The following KCNK1 variants were observed in gnomAD, a reference collection of about 807,000 sequenced individuals.
The protein encoded by KCNK1 is potassium two pore domain channel subfamily K member 1, also known as potassium channel subfamily K member 1.
KCNK1 carries 10 observed loss-of-function variants against 22.2 expected under a neutral mutation model. The ratio of observed to expected loss-of-function variants is 0.45; its 90% confidence interval spans 0.28 to 0.76. The LOEUF (loss-of-function observed/expected upper bound fraction) is 0.76. Ranked by LOEUF, KCNK1 falls within the 30% of genes least tolerant of loss-of-function variation. The pLI, the probability that KCNK1 is intolerant of heterozygous loss-of-function variation, is 0.14. For missense variants in KCNK1, 378 were observed against 421.0 expected (o/e 0.90, Z 0.89); for synonymous variants, 200 against 186.4 (o/e 1.07, Z -0.60).
In KCNK1 at chr1:233,614,144, G is replaced by GCTGGCCTTGGCT; in HGVS notation, c.-28_-27insCTGGCCTTGGCT. On this transcript the variant is annotated 5_prime_UTR_variant, in exon 1 of 3. Coordinates refer to ENST00000366621, the MANE Select transcript of KCNK1 (RefSeq NM_002245.4). ...GGCCGCGCTCCGGCCGGTCTGCGGC[G>GCTGGCCTTGGCT]TTGGCCTTGGCGGCGGCGGTGGAGA... 1.6e-6 allele frequency: 2 copies of GCTGGCCTTGGCT among 1,253,608 alleles called. No individual in the cohort carries two copies. Among genetic ancestry groups the GCTGGCCTTGGCT allele is most frequent in the Non-Finnish European group, 2.0e-6 (2 of 979,760 alleles). 77.7% of individuals were successfully genotyped at this position (1,253,608 alleles called of 1,614,324 possible). A position where few individuals can be genotyped will look rare whatever the true frequency, so the allele number is the denominator to read the frequency against.
At chr1:233,625,840 C>T (rs1657679632) in intron 1 of KCNK1, among the ~76,000 whole-genome samples, 2 of 151,952 alleles carry the variant, frequency 1.3e-5, no homozygotes, top group South Asian at 2.1e-4. Flanking sequence ...AACAAAGGCA[C>T]CTATTGGAGG....
chr1:233,615,484 T>C (rs1416103704), intron 1 of KCNK1, among the ~76,000 whole-genome samples: 1 of 152,204 alleles, frequency 6.6e-6, no homozygotes, highest in Non-Finnish European at 1.5e-5. Flanking sequence ...GAGATATCAA[T>C]TGGTATTTGG....
chr1:233,614,904 T>G (rs950633626), intron 1 of KCNK1, among the ~76,000 whole-genome samples: 1 of 151,980 alleles, frequency 6.6e-6, no homozygotes, highest in African/African-American at 2.4e-5. Context: ...AACTGTCGGG[T>G]TTGAATGTGT....
chr1:233,648,334 A>G (rs1020039289), intron 1 of KCNK1, among the ~76,000 whole-genome samples: 8 of 152,232 alleles, frequency 5.3e-5, no homozygotes, highest in East Asian at 1.9e-4. Flanking sequence ...CATATACAAA[A>G]TAAGAGAGAA....
rs188428248 is a variant in KCNK1 at position 233,622,627 on chromosome 1, C to T, written c.355+8101C>T. On this transcript the variant is annotated intron_variant, in intron 1 of 2. Transcript: ENST00000366621. ...GCAGCATATTGCAAGGTGATGCCCC[C>T]GATCTGAGGCTGAATGGAGGAAGAA... Among the ~76,000 whole-genome samples the T allele has an allele frequency of 1.7e-3, 254 of 152,194 alleles. 1 individual carries two copies. The highest frequency in any genetic ancestry group is 5.4e-3 in the African/African-American group (224 of 41,510).
At chr1:233,617,869 G>T (rs896620945) in intron 1 of KCNK1, among the ~76,000 whole-genome samples, 2 of 152,196 alleles carry the variant, frequency 1.3e-5, no homozygotes, top group African/African-American at 4.8e-5. Context: ...GTTTGAGGCT[G>T]CAGTGAGCTG....
chr1:233,614,763 C>T lies in KCNK1; in HGVS notation c.355+237C>T, dbSNP rs377650836. Among the ~76,000 whole-genome samples, 158 of 152,292 alleles carry T rather than the reference C, an allele frequency of 1.0e-3. 1 individual carries two copies. The highest frequency in any genetic ancestry group is 3.3e-3 in the African/African-American group (138 of 41,572). On this transcript the variant is annotated intron_variant, in intron 1 of 2. Transcript: ENST00000366621. The stretch of plus-strand genomic sequence containing the variant: ...AGGGCAAGCCCTGCGGAGCCGGAAG[C>T]CAGAGAGGTGACTCCAGACGTGACT...
intron 1 of KCNK1, among the ~76,000 whole-genome samples, chr1:233,618,905 AC>A (rs1346523194): frequency 6.6e-6 from 1 of 152,194 alleles, no homozygotes. Context: ...AAACATAAAA[AC>A]AAAACAAAAC....
At chr1:233,633,482 T>C (rs1657840762) in intron 1 of KCNK1, among the ~76,000 whole-genome samples, 1 of 152,172 alleles carries the variant, frequency 6.6e-6, no homozygotes, top group Non-Finnish European at 1.5e-5. Flanking sequence ...TCTGAGAATA[T>C]GTGATTTCAT....
chr1:233,642,444 C>A (rs1051815930), intron 1 of KCNK1, among the ~76,000 whole-genome samples: 13 of 152,162 alleles, frequency 8.5e-5, no homozygotes, highest in Admixed American at 2.0e-4. Flanking sequence ...GATACTGGCC[C>A]TGAGGGGCTT....
At chr1:233,615,059 A>G (rs1258045297) in intron 1 of KCNK1, among the ~76,000 whole-genome samples, 1 of 152,180 alleles carries the variant, frequency 6.6e-6, no homozygotes, top group Non-Finnish European at 1.5e-5. Context: ...GTCCCTTTGG[A>G]CCATGCACAG....
At chr1:233,639,575 G>T (rs765811842) in intron 1 of KCNK1, among the ~76,000 whole-genome samples, 1 of 152,072 alleles carries the variant, frequency 6.6e-6, no homozygotes, top group Non-Finnish European at 1.5e-5. Flanking sequence ...GAATCCTAAC[G>T]TCTGACAAAG....
chr1:233,615,194 G>T (rs1657466261), intron 1 of KCNK1, among the ~76,000 whole-genome samples: 1 of 152,254 alleles, frequency 6.6e-6, no homozygotes, highest in Non-Finnish European at 1.5e-5. Flanking sequence ...AGGAGGAAGG[G>T]TGAGGGAGAG....
intron 1 of KCNK1, chr1:233,655,682 G>C (rs924378624): frequency 6.6e-6 from 1 of 152,480 alleles, no homozygotes; most frequent in Non-Finnish European, 1.5e-5. Flanking sequence ...AGAGACATAA[G>C]AGGGACTCCT....
At chr1:233,658,156 GTTCAACACA>G (rs1558118284) in intron 1 of KCNK1, among the ~76,000 whole-genome samples, 1 of 152,060 alleles carries the variant, frequency 6.6e-6, no homozygotes, top group Non-Finnish European at 1.5e-5. Flanking sequence ...GCTAAGAAAG[GTTCAACACA>G]TTTCAAAGTT....
chr1:233,649,483 T>C (rs939976641), intron 1 of KCNK1, among the ~76,000 whole-genome samples: 1 of 152,250 alleles, frequency 6.6e-6, no homozygotes, highest in Non-Finnish European at 1.5e-5. Flanking sequence ...TGAAGAAATA[T>C]GTCTTAATCC....
chr1:233,656,826 T>C (rs1012442875), intron 1 of KCNK1, among the ~76,000 whole-genome samples: 1 of 152,092 alleles, frequency 6.6e-6, no homozygotes, highest in Non-Finnish European at 1.5e-5. Flanking sequence ...CTATGTTGAC[T>C]AGGGTGATCT....
intron 1 of KCNK1, among the ~76,000 whole-genome samples, chr1:233,645,325 T>G (rs1658073986): frequency 6.6e-6 from 1 of 152,230 alleles, no homozygotes; most frequent in African/African-American, 2.4e-5. Flanking sequence ...GAATGTGGCC[T>G]TCTTTGGAAA....
chr1:233,614,874 T>A (rs1010658333), intron 1 of KCNK1, among the ~76,000 whole-genome samples: 2 of 152,208 alleles, frequency 1.3e-5, no homozygotes, highest in Non-Finnish European at 2.9e-5. Context: ...TGAGTTCTTT[T>A]TTCGCAACCC....
Sources: gnomAD v4.1 joint callset for allele counts (sites outside exome capture counted in the v4.1 genomes callset) on GRCh38, gnomAD v4.1.1 for gene constraint, MANE v1.5 for transcripts, NCBI Gene and HGNC (gene_info 2026-07-23, HGNC 2026-07-21) for gene names.